ANKS1B: variants seen among roughly 807,000 people sequenced by gnomAD.
ANKS1B encodes ankyrin repeat and sterile alpha motif domain containing 1B, also known as ankyrin repeat and sterile alpha motif domain-containing protein 1B.
ANKS1B carries 36 observed loss-of-function variants against 148.3 expected under a neutral mutation model. The ratio of observed to expected loss-of-function variants is 0.24; its 90% CI spans 0.19 to 0.32. The LOEUF (loss-of-function observed/expected upper bound fraction) is 0.32, where lower values mean the gene tolerates loss of function less well. Among genes scored for constraint, ANKS1B ranks in the 10% least tolerant of loss-of-function variants. The pLI, the probability that ANKS1B is intolerant of heterozygous loss-of-function variation, is 1.00. For synonymous variants in ANKS1B, 542 were observed against 560.8 expected (o/e 0.97, Z 0.47); for missense variants, 1,157 against 1,542.6 (o/e 0.75, Z 4.19).
At chr12:99,073,516 T>G (rs2046895787) in intron 16 of ANKS1B, among the ~76,000 whole-genome samples, 1 of 152,206 alleles carries the variant, frequency 6.6e-6, no homozygotes, top group African/African-American at 2.4e-5. Flanking sequence ...CAGGCTACCT[T>G]CAAGGATAAA....
intron 1 of ANKS1B, among the ~76,000 whole-genome samples, chr12:99,981,855 G>T (rs1381737207): frequency 6.6e-6 from 1 of 152,028 alleles, no homozygotes; most frequent in African/African-American, 2.4e-5. Context: ...ATATTCTACA[G>T]TTCCTTCTAA....
chr12:99,717,523 C>T (rs2057485457), intron 8 of ANKS1B, among the ~76,000 whole-genome samples: 1 of 152,126 alleles, frequency 6.6e-6, no homozygotes, highest in Non-Finnish European at 1.5e-5. Context: ...CCTCCTAAGC[C>T]GCGTCCCATC....
chr12:99,586,763 A>C (rs943410681), intron 9 of ANKS1B, among the ~76,000 whole-genome samples: 3 of 152,184 alleles, frequency 2.0e-5, no homozygotes, highest in African/African-American at 7.2e-5. Flanking sequence ...AATGAGGGGC[A>C]AAGTCATGTC....
intron 17 of ANKS1B, among the ~76,000 whole-genome samples, chr12:99,017,333 G>C (rs1239892814): frequency 6.6e-6 from 1 of 152,100 alleles, no homozygotes; most frequent in Non-Finnish European, 1.5e-5. Flanking sequence ...AAAGGCACAA[G>C]GTTAAAATTA....
At chr12:98,874,549 T>G (rs956617503) in intron 17 of ANKS1B, among the ~76,000 whole-genome samples, 3 of 152,142 alleles carry the variant, frequency 2.0e-5, no homozygotes, top group Non-Finnish European at 4.4e-5. Context: ...GAGGTGACAC[T>G]AAGGCTCCTG....
intron 22 of ANKS1B, among the ~76,000 whole-genome samples, chr12:98,788,556 G>A (rs1448317509): frequency 6.6e-6 from 1 of 152,210 alleles, no homozygotes; most frequent in East Asian, 1.9e-4. Flanking sequence ...CAGGTGACAA[G>A]AACAGACAGT....
intron 8 of ANKS1B, among the ~76,000 whole-genome samples, chr12:99,675,985 T>C (rs1044015546): frequency 2.6e-5 from 4 of 152,170 alleles, no homozygotes; most frequent in African/African-American, 9.6e-5. Flanking sequence ...TGAATTGTAC[T>C]ACCTGTAATC....
At chr12:99,588,023 A>G (rs1051556863) in intron 9 of ANKS1B, among the ~76,000 whole-genome samples, 1 of 152,172 alleles carries the variant, frequency 6.6e-6, no homozygotes, top group African/African-American at 2.4e-5. Flanking sequence ...AGATATTATG[A>G]CATATTACAT....
intron 1 of ANKS1B, among the ~76,000 whole-genome samples, chr12:99,934,580 G>T (rs927842027): frequency 3.9e-5 from 6 of 151,974 alleles, no homozygotes; most frequent in Non-Finnish European, 5.9e-5. Flanking sequence ...AGTCTCTAAT[G>T]ATCTTTTGAA....
At chr12:99,951,173 T>C (rs1319521100) in intron 1 of ANKS1B, among the ~76,000 whole-genome samples, 1 of 152,218 alleles carries the variant, frequency 6.6e-6, no homozygotes, top group Admixed American at 6.5e-5. Flanking sequence ...TATACTCCCT[T>C]CACAAAGCTT....
rs573627352 is a variant in ANKS1B, at chr12:99,759,854, A to G, written c.1128+13068T>C. On this transcript the variant is annotated intron_variant, in intron 8 of 26. Transcript: ENST00000683438. ...TTCAGGAAAACATTACAATTAGCTC[A>G]TAAGTGTAAAGTACAGATTCTCAGG... Among the ~76,000 whole-genome samples, 6 of 152,072 alleles carry G rather than the reference A, an allele frequency of 3.9e-5. 1 individual carries two copies. Among genetic ancestry groups the G allele is most frequent in the African/African-American group, 1.2e-4 (5 of 41,570 alleles).
At chr12:99,870,708 T>C (rs2091406190) in intron 1 of ANKS1B, among the ~76,000 whole-genome samples, 2 of 152,220 alleles carry the variant, frequency 1.3e-5, no homozygotes, top group Admixed American at 1.3e-4. Context: ...TGTTGGTCAC[T>C]TGAATGTCTT....
intron 12 of ANKS1B, among the ~76,000 whole-genome samples, chr12:99,362,020 A>C (rs2092504623): frequency 6.6e-6 from 1 of 152,074 alleles, no homozygotes; most frequent in Non-Finnish European, 1.5e-5. Flanking sequence ...ACATTTTAAA[A>C]GTACATTATC....
At chr12:98,848,816 G>A (rs1340979849) in intron 17 of ANKS1B, among the ~76,000 whole-genome samples, 7 of 139,108 alleles carry the variant, frequency 5.0e-5, no homozygotes, top group Non-Finnish European at 7.6e-5. Context: ...TTGGCTCACT[G>A]TGACCTCCGC....
intron 11 of ANKS1B, among the ~76,000 whole-genome samples, chr12:99,412,055 T>G (rs571371877): frequency 6.6e-6 from 1 of 152,226 alleles, no homozygotes; most frequent in South Asian, 2.1e-4. Flanking sequence ...TTATGCTATT[T>G]TTAATTTTAA....
At chr12:99,069,012 G>T (rs999966280) in intron 16 of ANKS1B, among the ~76,000 whole-genome samples, 7 of 152,134 alleles carry the variant, frequency 4.6e-5, no homozygotes, top group Non-Finnish European at 1.0e-4. Flanking sequence ...TAAAATGCAG[G>T]CAGAACTCCT....
chr12:99,790,874 A>C (rs1182262043), intron 4 of ANKS1B, among the ~76,000 whole-genome samples: 1 of 152,018 alleles, frequency 6.6e-6, no homozygotes, highest in Non-Finnish European at 1.5e-5. Context: ...ACCGCCAAAA[A>C]AAGAGAGCGA....
intron 17 of ANKS1B, among the ~76,000 whole-genome samples, chr12:98,868,618 G>A (rs1254685174): frequency 2.0e-5 from 3 of 152,192 alleles, no homozygotes; most frequent in Non-Finnish European, 2.9e-5. Context: ...CCCCGAATGT[G>A]TTGACTATCT....
intron 9 of ANKS1B, among the ~76,000 whole-genome samples, chr12:99,599,987 G>T (rs2097788269): frequency 6.6e-6 from 1 of 151,982 alleles, no homozygotes; most frequent in Non-Finnish European, 1.5e-5. Context: ...GCTGGTCCCA[G>T]TGAGTTCCAA....
Sources: gnomAD v4.1 joint callset for allele counts (sites outside exome capture counted in the v4.1 genomes callset) on GRCh38, gnomAD v4.1.1 for gene constraint, MANE v1.5 for transcripts, NCBI Gene and HGNC (gene_info 2026-07-23, HGNC 2026-07-21) for gene names.